CELF4: variants seen among roughly 807,000 people sequenced by gnomAD.
CELF4 encodes CUGBP Elav-like family member 4, also known as CUG-BP- and ETR-3-like factor 4.
CELF4 carries 18 observed loss-of-function variants against 59.9 expected under a neutral mutation model. The observed-to-expected ratio is 0.30, with a 90% CI of 0.21 to 0.45. The LOEUF (loss-of-function observed/expected upper bound fraction) is 0.45. CELF4 is among the 20% of genes least tolerant of loss of function. The pLI is 1.00. For synonymous variants in CELF4, 261 were observed against 267.1 expected, an observed-to-expected ratio of 0.98 and a Z score of 0.22; for missense variants, 456 against 689.0, an observed-to-expected ratio of 0.66 and a Z score of 3.79.
chr18:37,281,970 A>T (rs1276798113), intron 3 of CELF4, among the ~76,000 whole-genome samples: 1 of 152,206 alleles, frequency 6.6e-6, no homozygotes, highest in Non-Finnish European at 1.5e-5. Flanking sequence ...CAGGAGGGCC[A>T]GGCCAATGGT....
chr18:37,403,454 C>T (rs545918136), intron 2 of CELF4, among the ~76,000 whole-genome samples: 1 of 152,030 alleles, frequency 6.6e-6, no homozygotes, highest in Non-Finnish European at 1.5e-5. Context: ...CTCCTCCAGT[C>T]ACACAAGGCC....
At chr18:37,410,279 GA>G (rs758175676) in intron 2 of CELF4, among the ~76,000 whole-genome samples, 11 of 152,362 alleles carry the variant, frequency 7.2e-5, no homozygotes, top group Non-Finnish European at 1.3e-4. Context: ...CTCTGCTCCT[GA>G]AGACAAGGAA....
At chr18:37,260,931 C>A (rs940885128) in intron 10 of CELF4, among the ~76,000 whole-genome samples, 1 of 152,140 alleles carries the variant, frequency 6.6e-6, no homozygotes, top group Non-Finnish European at 1.5e-5. Flanking sequence ...CTCCCTCACC[C>A]CCTTCCAGGG....
At chr18:37,446,423 C>T (rs2083332965) in intron 2 of CELF4, among the ~76,000 whole-genome samples, 1 of 152,064 alleles carries the variant, frequency 6.6e-6, no homozygotes, top group East Asian at 1.9e-4. Flanking sequence ...TGAGGGAGGG[C>T]AGGAAAGGCT....
chr18:37,276,872 C>T (rs1267930263), intron 3 of CELF4, among the ~76,000 whole-genome samples: 2 of 152,236 alleles, frequency 1.3e-5, no homozygotes, highest in Non-Finnish European at 2.9e-5. Context: ...ACAGCCAAAG[C>T]TGCAGAAATG....
chr18:37,393,593 G>T (rs1037500901), intron 2 of CELF4, among the ~76,000 whole-genome samples: 1 of 152,172 alleles, frequency 6.6e-6, no homozygotes, highest in Non-Finnish European at 1.5e-5. Flanking sequence ...CACATCCCCC[G>T]AGGGGACCAA....
chr18:37,320,874 G>A (rs1335200504), intron 3 of CELF4, among the ~76,000 whole-genome samples: 5 of 152,200 alleles, frequency 3.3e-5, no homozygotes, highest in African/African-American at 1.2e-4. Context: ...CAGGTGAGGT[G>A]TGATGGGCTC....
At chr18:37,348,394 C>G (rs2098342359) in intron 2 of CELF4, among the ~76,000 whole-genome samples, 1 of 152,114 alleles carries the variant, frequency 6.6e-6, no homozygotes, top group Non-Finnish European at 1.5e-5. Context: ...AAGCCTTCCT[C>G]CCTCCGGCCA....
In CELF4 at chr18:37,409,274, G is replaced by T. The variant is rs2099414507; in HGVS notation, c.369+76251C>A. Among the ~76,000 whole-genome samples the T allele has an allele frequency of 2.0e-5, 3 of 152,316 alleles. No homozygotes were observed. The South Asian group carries it at 6.2e-4, about 32-fold the overall frequency. On this transcript the variant is annotated intron_variant, in intron 2 of 12. Coordinates refer to ENST00000420428, the MANE Select transcript of CELF4 (RefSeq NM_020180.4). ...TTGATGACTGGCCTGAGAACTAGGA[G>T]CCAGGGGGCAGCCAATGGGGAGGGC...
chr18:37,294,083 G>T (rs1466014753), intron 3 of CELF4, among the ~76,000 whole-genome samples: 3 of 152,162 alleles, frequency 2.0e-5, no homozygotes, highest in African/African-American at 7.2e-5. Context: ...TGGGGCTTTA[G>T]AAGGGAAGCT....
At chr18:37,551,906 G>T (rs964818138) in intron 1 of CELF4, among the ~76,000 whole-genome samples, 1 of 152,170 alleles carries the variant, frequency 6.6e-6, no homozygotes, top group Non-Finnish European at 1.5e-5. Flanking sequence ...TTCAAAATGA[G>T]AAATTCCTTT....
chr18:37,278,220 C>T (rs2154373646), intron 3 of CELF4, among the ~76,000 whole-genome samples: 1 of 152,282 alleles, frequency 6.6e-6, no homozygotes, highest in South Asian at 2.1e-4. Context: ...CCCTCTTCCT[C>T]CCCATCTGGA....
At chr18:37,526,287 C>T (rs1213164583) in intron 1 of CELF4, among the ~76,000 whole-genome samples, 1 of 152,188 alleles carries the variant, frequency 6.6e-6, no homozygotes, top group Non-Finnish European at 1.5e-5. Context: ...GAGAGGTGAC[C>T]TGCATTTGCG....
At chr18:37,414,565 G>A (rs538800077) in intron 2 of CELF4, among the ~76,000 whole-genome samples, 4 of 142,884 alleles carry the variant, frequency 2.8e-5, no homozygotes, top group Non-Finnish European at 6.0e-5. Context: ...GCAGTGGCGC[G>A]ATCTCGGCTG....
intron 2 of CELF4, among the ~76,000 whole-genome samples, chr18:37,427,381 C>T (rs539848024): frequency 6.6e-6 from 1 of 152,166 alleles, no homozygotes; most frequent in Non-Finnish European, 1.5e-5. Context: ...CTCGCCAAAC[C>T]CAGCTCTCCC....
chr18:37,252,872 G>A (rs1489748204), intron 12 of CELF4, among the ~76,000 whole-genome samples: 2 of 151,934 alleles, frequency 1.3e-5, no homozygotes, highest in African/African-American at 4.8e-5. Flanking sequence ...GGGAGGGGCG[G>A]TCAGAGGGCA....
At chr18:37,481,403 C>G (rs2154603015) in intron 2 of CELF4, among the ~76,000 whole-genome samples, 1 of 152,330 alleles carries the variant, frequency 6.6e-6, no homozygotes, top group East Asian at 1.9e-4. Flanking sequence ...CACAGCTTGT[C>G]ATAGCACCTG....
intron 1 of CELF4, among the ~76,000 whole-genome samples, chr18:37,543,352 C>G (rs1477660735): frequency 6.6e-6 from 1 of 152,206 alleles, no homozygotes; most frequent in African/African-American, 2.4e-5. Flanking sequence ...CTACCTCCCC[C>G]AAGCTGGGCA....
chr18:37,288,146 A>C (rs1052046349), intron 3 of CELF4, among the ~76,000 whole-genome samples: 4 of 152,190 alleles, frequency 2.6e-5, no homozygotes, highest in Admixed American at 2.6e-4. Context: ...AGGTTTCAAT[A>C]GGGCTGGTTT....
Sources: gnomAD v4.1 joint callset for allele counts (sites outside exome capture counted in the v4.1 genomes callset) on GRCh38, gnomAD v4.1.1 for gene constraint, MANE v1.5 for transcripts, NCBI Gene and HGNC (gene_info 2026-07-23, HGNC 2026-07-21) for gene names.